Variants in ACSBG1 observed in about 807,000 individuals in gnomAD.
ACSBG1 encodes long-chain-fatty-acid--CoA ligase ACSBG1.
In ACSBG1, 39 loss-of-function variants were observed where a neutral mutation model predicts 80.2. That is an observed-to-expected ratio of 0.49 (90% confidence interval 0.38 to 0.64). The LOEUF (loss-of-function observed/expected upper bound fraction) is 0.64. Ranked by LOEUF, ACSBG1 falls within the 30% of genes least tolerant of loss-of-function variation. The probability of loss-of-function intolerance (pLI) is 0.00; values close to 1 mark genes in which losing one functional copy is unlikely to be tolerated. For synonymous variants in ACSBG1, 392 were observed against 379.5 expected, an observed-to-expected ratio of 1.03 and a Z score of -0.38; for missense variants, 828 against 966.4, an observed-to-expected ratio of 0.86 and a Z score of 1.90.
chr15:78,172,114 G>A lies in ACSBG1; in HGVS notation c.2090-585C>T, dbSNP rs1026160583. ...CCTGCCGACAGCCACGTAAGTGAGC[G>A]CGGAGGTGAGCCTCAGCTGCAAGTG... On this transcript the variant is annotated intron_variant, in intron 13 of 13. Transcript: ENST00000258873. This position sits in a 1 kb window ranked among gnomAD's most constrained non-coding sequence, Gnocchi z 4.1. Among the ~76,000 whole-genome samples the A allele has an allele frequency of 2.6e-5, 4 of 152,314 alleles. No homozygotes were observed. The highest frequency in any genetic ancestry group is 1.9e-4 in the East Asian group (1 of 5,162).
At chr15:78,191,437 T>C (rs1489066333) in intron 5 of ACSBG1, among the ~76,000 whole-genome samples, 1 of 152,192 alleles carries the variant, frequency 6.6e-6, no homozygotes, top group Non-Finnish European at 1.5e-5. Flanking sequence ...TAGAACCTTC[T>C]AGCCAACAAC....
intron 5 of ACSBG1, 114 bp downstream of exon 5, chr15:78,193,392 C>T (rs975829261): frequency 6.3e-5 from 91 of 1,449,258 alleles, no homozygotes; most frequent in Non-Finnish European, 8.0e-5. Flanking sequence ...AGAGGGTTGC[C>T]GTTGAGGATG....
rs539611665 is a variant in ACSBG1 at position 78,194,371 on chromosome 15, G to A, written c.453+135C>T. 6.1e-6 allele frequency: 5 copies of A among 813,524 alleles called. No individual in the cohort carries two copies. In the Admixed American group the frequency reaches 8.0e-5, roughly 13 times the overall value. The allele number at this position is 813,524 out of a possible 1,614,324, so 50.4% of individuals were successfully genotyped here. A position where few individuals can be genotyped will look rare whatever the true frequency, so the allele number is the denominator to read the frequency against. ...GCCCAGCATGGAGTATCAGCCCCAC[G>A]CACAATGACAGCTTTTACAGTTATT... On this transcript the variant is annotated intron_variant, in intron 3 of 13. Transcript: ENST00000258873.
intron 2 of ACSBG1, among the ~76,000 whole-genome samples, chr15:78,203,940 C>G (rs1232561472): frequency 6.6e-6 from 1 of 152,204 alleles, no homozygotes; most frequent in Non-Finnish European, 1.5e-5. Context: ...GGACCCTGTG[C>G]TGAGGGCCAG....
chr15:78,202,313 C>T (rs137900605), intron 2 of ACSBG1, among the ~76,000 whole-genome samples: 2,625 of 152,220 alleles, frequency 0.017, 83 homozygotes, highest in African/African-American at 0.061. Context: ...TGGGTTCAAG[C>T]GATTCCCCCG....
intron 1 of ACSBG1, among the ~76,000 whole-genome samples, chr15:78,217,719 A>G (rs2075323895): frequency 6.6e-6 from 1 of 152,064 alleles, no homozygotes; most frequent in African/African-American, 2.4e-5. Context: ...GGCACACGCC[A>G]CCACACCCGG....
At chr15:78,194,816 G>T in intron 2 of ACSBG1, 90 bp from the exon 3 acceptor site, 1 of 1,357,728 alleles carries the variant, frequency 7.4e-7, no homozygotes, top group Non-Finnish European at 1.0e-6. Context: ...GTCTGGTGCT[G>T]ACAATGCCTT....
intron 2 of ACSBG1, among the ~76,000 whole-genome samples, chr15:78,198,048 T>G (rs1232830562): frequency 1.3e-5 from 2 of 152,194 alleles, no homozygotes; most frequent in Non-Finnish European, 2.9e-5. Flanking sequence ...TTTCCTTTTT[T>G]TTGACATGGA....
chr15:78,224,547 G>A (rs556407329), intron 1 of ACSBG1, among the ~76,000 whole-genome samples: 2 of 151,970 alleles, frequency 1.3e-5, no homozygotes, highest in East Asian at 3.9e-4. Context: ...GTGAAACCCT[G>A]TCTCTACTAA....
intron 2 of ACSBG1, among the ~76,000 whole-genome samples, chr15:78,207,412 T>A (rs1041642060): frequency 1.3e-5 from 2 of 152,194 alleles, no homozygotes; most frequent in African/African-American, 4.8e-5. Flanking sequence ...GTTGCTACAA[T>A]GTTGTTGTGC....
intron 1 of ACSBG1, among the ~76,000 whole-genome samples, chr15:78,225,607 A>G (rs1022360056): frequency 1.3e-5 from 2 of 152,120 alleles, no homozygotes; most frequent in Admixed American, 1.3e-4. Context: ...CATGGATCAG[A>G]TGATTCACCC....
intron 1 of ACSBG1, among the ~76,000 whole-genome samples, chr15:78,226,793 T>TATATATATATAATATATATATATATA (rs71148506): frequency 1.3e-4 from 17 of 129,004 alleles, no homozygotes; most frequent in South Asian, 1.2e-3. Flanking sequence ...AAAATATATA[T>TATATATATATAATATATATATATATA]ATATATATAA....
chr15:78,223,266 G>A (rs2075373152), intron 1 of ACSBG1, among the ~76,000 whole-genome samples: 2 of 149,774 alleles, frequency 1.3e-5, no homozygotes, highest in Admixed American at 6.7e-5. Context: ...TGGACATAGG[G>A]AGGGGCCTGT....
At chr15:78,201,898 A>T (rs1490642352) in intron 2 of ACSBG1, among the ~76,000 whole-genome samples, 1 of 152,158 alleles carries the variant, frequency 6.6e-6, no homozygotes, top group Admixed American at 6.5e-5. Flanking sequence ...CCCTGGCCAG[A>T]GGCTCATGAA....
chr15:78,190,872 A>G (rs2075051032), intron 5 of ACSBG1, among the ~76,000 whole-genome samples: 1 of 150,084 alleles, frequency 6.7e-6, no homozygotes, highest in African/African-American at 2.5e-5. Context: ...AAAACAAGAT[A>G]AAAAAGACAA....
chr15:78,182,628 G>T lies in ACSBG1; in HGVS notation c.745-13C>A. On this transcript the variant is annotated splice_polypyrimidine_tract_variant and intron_variant, in intron 6 of 13. Coordinates refer to ENST00000258873, the MANE Select transcript of ACSBG1 (RefSeq NM_015162.5). ...TGAATTCCTCCATCTGTAGCCAGAT[G>T]CAGGGAGCAGGCAGGCTAGGTCAGC... The T allele has an allele frequency of 6.2e-7, 1 of 1,613,950 alleles. No homozygotes were observed. Among genetic ancestry groups the T allele is most frequent in the Non-Finnish European group, 8.5e-7 (1 of 1,179,850 alleles).
rs2074774558 is a variant in ACSBG1 at position 78,168,293 on chromosome 15, C to A, written c.*3151G>T. The A allele has an allele frequency of 6.6e-6, 1 of 151,244 alleles. No homozygotes were observed. The highest frequency in any genetic ancestry group is 2.4e-5 in the African/African-American group (1 of 41,122). 9.4% of individuals were successfully genotyped at this position (151,244 alleles called of 1,614,324 possible). ...AAAAGAGTTAATGATTTAAATATTT[C>A]TTTCGTATTTGTGTCCCAGCCTCCA... On this transcript the variant is annotated 3_prime_UTR_variant, in exon 14 of 14. Transcript: ENST00000258873.
rs748671550 is a variant in ACSBG1 at position 78,174,450 on chromosome 15, T to C, written c.1777A>G (p.Ile593Val). 61 of 1,614,030 alleles carry C rather than the reference T, an allele frequency of 3.8e-5. No individual in the cohort carries two copies. The highest frequency in any genetic ancestry group is 5.2e-5 in the Non-Finnish European group (61 of 1,180,032). ...IEEAVKMELP[I>V]ISNAMLIGDQ... ...CCAATGAGCATGGCGTTGCTGATGA[T>C]GGGCAGCTCCATCTTCACGGCCTCC... Residue 593 changes from isoleucine to valine, a missense_variant, in exon 12 of 14, where the codon ATC becomes GTC. Physicochemically the swap from Ile to Val is conservative, Grantham distance 29. Around this residue, in one of 3 missense-constraint regions of ACSBG1, gnomAD observed 201 missense variants for 227.0 expected, o/e 0.89. Transcript: ENST00000258873.
In ACSBG1 at chr15:78,177,714, T is replaced by C. The variant is rs2074896916; in HGVS notation, c.1702+900A>G. 6.6e-6 allele frequency among the ~76,000 whole-genome samples: 1 copy of C among 152,008 alleles called. No individual in the cohort carries two copies. The highest frequency in any genetic ancestry group is 1.5e-5 in the Non-Finnish European group (1 of 67,990). On this transcript the variant is annotated intron_variant, in intron 11 of 13. Coordinates refer to ENST00000258873, the MANE Select transcript of ACSBG1 (RefSeq NM_015162.5). This position sits in a 1 kb window ranked among gnomAD's most constrained non-coding sequence, Gnocchi z 4.1. ...GTGGCCGAGCCTCCATGGCCATCAG[T>C]TGGGTCCTGGGCATGGTCGCACACT... is the stretch of plus-strand genomic sequence containing the variant.
Sources: allele counts gnomAD v4.1 joint callset (sites outside exome capture counted in the v4.1 genomes callset), GRCh38; gene constraint gnomAD v4.1.1; regional missense constraint gnomAD v4.1.1; non-coding constraint Gnocchi (gnomAD v3.1); transcripts MANE v1.5; gene names NCBI Gene and HGNC (gene_info 2026-07-23, HGNC 2026-07-21).